CSE1L: variants seen among roughly 807,000 people sequenced by gnomAD.
The protein encoded by CSE1L is exportin-2.
Under a neutral mutation model 120.4 loss-of-function variants are expected in CSE1L, and 24 were observed. That is an observed-to-expected ratio of 0.20 (90% confidence interval 0.14 to 0.28). The LOEUF is 0.28. CSE1L is among the 10% of genes least tolerant of loss of function. The pLI is 1.00. For missense variants in CSE1L, 830 were observed against 1,145.2 expected, an observed-to-expected ratio of 0.72 and a Z score of 3.97; for synonymous variants, 402 against 398.3, an observed-to-expected ratio of 1.01 and a Z score of -0.11.
chr20:49,055,007 A>G (rs1012398612), intron 1 of CSE1L, among the ~76,000 whole-genome samples: 6 of 152,178 alleles, frequency 3.9e-5, no homozygotes, highest in Admixed American at 1.3e-4. Context: ...TTAATTTTCT[A>G]ACGTTTAAGG....
intron 23 of CSE1L, among the ~76,000 whole-genome samples, chr20:49,094,502 G>A (rs2092125263): frequency 6.6e-6 from 1 of 152,176 alleles, no homozygotes; most frequent in South Asian, 2.1e-4. Context: ...CCCTTTAAGA[G>A]TCTGATCTAG....
intron 15 of CSE1L, 121 bp from the exon 16 acceptor site, chr20:49,085,162 G>C (rs2092045298): frequency 1.4e-6 from 1 of 712,660 alleles, no homozygotes. Context: ...TCTATCAATT[G>C]TCAGTGGTGG....
chr20:49,084,202 G>A, intron 15 of CSE1L, 40 bp downstream of exon 15: 3 of 1,600,194 alleles, frequency 1.9e-6, no homozygotes, highest in Non-Finnish European at 2.6e-6. Context: ...CTGGGGTAGG[G>A]GCTGTACTGT....
intron 2 of CSE1L, among the ~76,000 whole-genome samples, chr20:49,060,420 TG>T (rs1264944282): frequency 6.6e-6 from 1 of 150,890 alleles, no homozygotes; most frequent in African/African-American, 2.4e-5. Context: ...AAGCGGAGGT[TG>T]CAGTTAACCG....
At chr20:49,067,317 AT>A in intron 6 of CSE1L, 37 bp downstream of exon 6, 1 of 1,328,918 alleles carries the variant, frequency 7.5e-7, no homozygotes. Flanking sequence ...TTAAATTAAT[AT>A]TTTAAATTGC....
chr20:49,066,426 T>C lies in CSE1L; in HGVS notation c.392T>C (p.Leu131Pro). ...EDFPQKWPDL[L>P]TEMVNRFQSG... ...TTTCCACAGAAATGGCCTGACTTGC[T>C]GACAGAAATGGTGAATCGCTTTCAG... The change falls in exon 5 of 25, where the codon CTG (leucine) becomes CCG (proline). Residue 131 changes from leucine to proline, a missense_variant. Leu to Pro is a moderately conservative substitution (Grantham distance 98). This residue lies in a region of CSE1L where 543 missense variants were observed against 640.2 expected (regional missense o/e 0.85). Coordinates refer to ENST00000262982, the MANE Select transcript of CSE1L (RefSeq NM_001316.4). 1 of 1,614,250 alleles carries C rather than the reference T, an allele frequency of 6.2e-7. No individual in the cohort carries two copies. The highest frequency in any genetic ancestry group is 8.5e-7 in the Non-Finnish European group (1 of 1,180,030).
At chr20:49,066,089 C>A in intron 3 of CSE1L, 103 bp from the exon 4 acceptor site, 1 of 965,578 alleles carries the variant, frequency 1.0e-6, no homozygotes. Context: ...TATTTGTTTT[C>A]TTAGAAAATT....
intron 2 of CSE1L, 109 bp downstream of exon 2, chr20:49,058,657 G>C: frequency 1.3e-6 from 1 of 761,322 alleles, no homozygotes; most frequent in Non-Finnish European, 2.1e-6. Context: ...TCATACTTGG[G>C]TTCTCAAGCG....
At chr20:49,065,663 G>A (rs1472047088) in intron 3 of CSE1L, among the ~76,000 whole-genome samples, 1 of 132,636 alleles carries the variant, frequency 7.5e-6, no homozygotes, top group East Asian at 2.3e-4. Context: ...GCACCATCTC[G>A]GCTCCCTGCA....
Position 49,086,359 on chromosome 20 carries a change from C to CTTTTTT in CSE1L, c.1723+991_1723+996dup, listed in dbSNP as rs10648977. Reference sequence around the variant, plus strand: ...TGTGTAATTATTGTTGTTTAATGTCCTTTTTTTTTTTTTTTTTTTTTTTGA... The same window carrying CTTTTTT: ...TGTGTAATTATTGTTGTTTAATGTCCTTTTTTTTTTTTTTTTTTTTTTTTTTTTTGA... On this transcript the variant is annotated intron_variant, in intron 16 of 24. Transcript: ENST00000262982. Among the ~76,000 whole-genome samples, 173 of 77,622 alleles carry CTTTTTT rather than the reference C, an allele frequency of 2.2e-3. 3 individuals are homozygous for CTTTTTT. The highest frequency in any genetic ancestry group is 0.01 in the Middle Eastern group (1 of 98). The allele number at this position is 77,622 out of a possible 152,430, so 50.9% of individuals were successfully genotyped here.
intron 22 of CSE1L, among the ~76,000 whole-genome samples, chr20:49,092,342 G>T (rs2092108256): frequency 6.6e-6 from 1 of 152,022 alleles, no homozygotes; most frequent in African/African-American, 2.4e-5. Context: ...CTGAGAGGCT[G>T]AGGAGGGCGG....
chr20:49,054,218 T>C (rs2091789772), intron 1 of CSE1L, among the ~76,000 whole-genome samples: 1 of 152,264 alleles, frequency 6.6e-6, no homozygotes, highest in Non-Finnish European at 1.5e-5. Flanking sequence ...ATTAGCTTCC[T>C]GTGATAAACA....
intron 2 of CSE1L, among the ~76,000 whole-genome samples, chr20:49,060,831 A>G (rs2091846874): frequency 6.6e-6 from 1 of 152,080 alleles, no homozygotes; most frequent in African/African-American, 2.4e-5. Flanking sequence ...GGCCAGATAT[A>G]TCTTGTGAGC....
intron 2 of CSE1L, among the ~76,000 whole-genome samples, chr20:49,059,744 G>T (rs6066959): frequency 1.3e-5 from 2 of 151,748 alleles, no homozygotes; most frequent in Non-Finnish European, 2.9e-5. Flanking sequence ...GCTGGGTGTG[G>T]TGGCACACAC....
Position 49,090,850 on chromosome 20 carries a change from C to G in CSE1L, c.2279+11C>G. 4 of 1,608,606 alleles carry G rather than the reference C, an allele frequency of 2.5e-6. No individual in the cohort carries two copies. The highest frequency in any genetic ancestry group is 1.3e-5 in the African/African-American group (1 of 74,678). On this transcript the variant is annotated intron_variant, in intron 20 of 24. Transcript: ENST00000262982. ...AGAGCACATGCCTCCGTGAGTATGA[C>G]TAGAACTTTGTGCATTTATTTAGAA...
intron 10 of CSE1L, among the ~76,000 whole-genome samples, chr20:49,074,160 A>G (rs915279028): frequency 6.8e-6 from 1 of 146,696 alleles, no homozygotes; most frequent in African/African-American, 2.5e-5. Flanking sequence ...GCAGTGAGAC[A>G]TGATCATACA....
At chr20:49,064,077 G>A (rs1414347139) in intron 3 of CSE1L, among the ~76,000 whole-genome samples, 2 of 152,144 alleles carry the variant, frequency 1.3e-5, no homozygotes, top group African/African-American at 2.4e-5. Flanking sequence ...CATAGCTGGA[G>A]GATTGCTACT....
In CSE1L at chr20:49,090,917, GA is replaced by G. The variant is rs779668244; in HGVS notation, c.2280-19del. The G allele has an allele frequency of 6.3e-7, 1 of 1,596,578 alleles. No homozygotes were observed. Among genetic ancestry groups the G allele is most frequent in the South Asian group, 1.1e-5 (1 of 88,786 alleles). On this transcript the variant is annotated intron_variant, in intron 20 of 24. Coordinates refer to ENST00000262982, the MANE Select transcript of CSE1L (RefSeq NM_001316.4). ...AGAAAAGTCCTAAATTTATATTGTT[GA>G]TTTTTTTTAATTCTTTAGTGAATCA...
At chr20:49,065,901 G>C (rs1318315536) in intron 3 of CSE1L, among the ~76,000 whole-genome samples, 1 of 151,988 alleles carries the variant, frequency 6.6e-6, no homozygotes, top group Non-Finnish European at 1.5e-5. Flanking sequence ...GTCTAAAATG[G>C]AAATTCTTAA....
Sources: gnomAD v4.1 joint callset for allele counts (sites outside exome capture counted in the v4.1 genomes callset) on GRCh38, gnomAD v4.1.1 for gene constraint, gnomAD v4.1.1 regional missense constraint, MANE v1.5 for transcripts, NCBI Gene and HGNC (gene_info 2026-07-23, HGNC 2026-07-21) for gene names.